Variants in CCDC30 observed in about 807,000 individuals in gnomAD.
CCDC30 encodes the protein coiled-coil domain containing 30, also known as coiled-coil domain-containing protein 30.
In CCDC30, 70 loss-of-function variants were observed where a neutral mutation model predicts 100.2. That is an observed-to-expected ratio of 0.70 (90% CI 0.58 to 0.85). CCDC30 has a LOEUF of 0.85. CCDC30 is among the 40% of genes least tolerant of loss of function. CCDC30 has a pLI of 0.00. For missense variants in CCDC30, 652 were observed against 771.2 expected (o/e 0.85, Z 1.83); for synonymous variants, 233 against 269.5 (o/e 0.86, Z 1.33).
chr1:42,491,996 G>T, intron 4 of CCDC30: 2 of 712,334 alleles, frequency 2.8e-6, no homozygotes, highest in South Asian at 3.6e-5. Flanking sequence ...AATTCAAGCT[G>T]ATTGCTGAAG....
chr1:42,511,447 G>A (rs1320661874), intron 6 of CCDC30, among the ~76,000 whole-genome samples: 3 of 152,140 alleles, frequency 2.0e-5, no homozygotes, highest in Non-Finnish European at 4.4e-5. Context: ...TTTCCCCTTA[G>A]AGAATGGTTC....
chr1:42,650,216 C>T (rs1648212592), intron 15 of CCDC30, among the ~76,000 whole-genome samples: 1 of 152,092 alleles, frequency 6.6e-6, no homozygotes, highest in Non-Finnish European at 1.5e-5. Context: ...GGCACGGTGG[C>T]TCAGGCTTGT....
intron 6 of CCDC30, among the ~76,000 whole-genome samples, chr1:42,527,889 G>A (rs1206829896): frequency 6.8e-6 from 1 of 147,768 alleles, no homozygotes; most frequent in South Asian, 2.1e-4. Flanking sequence ...TTTTGAAACC[G>A]AGTTTTGCTC....
chr1:42,594,192 G>A (rs1293332862), intron 10 of CCDC30: 3 of 152,212 alleles, frequency 2.0e-5, no homozygotes, highest in East Asian at 1.9e-4. Context: ...CAATCCACAT[G>A]CGTGGATATA....
chr1:42,600,824 T>A (rs1269135704), intron 10 of CCDC30, among the ~76,000 whole-genome samples: 1 of 151,638 alleles, frequency 6.6e-6, no homozygotes, highest in East Asian at 1.9e-4. Context: ...TCTCTCTCTC[T>A]CTCTCACTCT....
chr1:42,514,772 C>T (rs1569874640), intron 6 of CCDC30, among the ~76,000 whole-genome samples: 1 of 152,034 alleles, frequency 6.6e-6, no homozygotes, highest in African/African-American at 2.4e-5. Flanking sequence ...TCCTGCCTCA[C>T]CCTCCCAAGT....
upstream of CCDC30, among the ~76,000 whole-genome samples, chr1:42,458,762 A>C (rs182099140): frequency 6.6e-6 from 1 of 152,216 alleles, no homozygotes; most frequent in Non-Finnish European, 1.5e-5. Context: ...TAACAAAGCA[A>C]CTGAACATTA....
chr1:42,497,940 T>C (rs556625878), intron 5 of CCDC30, among the ~76,000 whole-genome samples: 4 of 152,250 alleles, frequency 2.6e-5, no homozygotes, highest in East Asian at 1.9e-4. Context: ...CCCCAGAGAA[T>C]TGAAAACAGA....
intron 4 of CCDC30, among the ~76,000 whole-genome samples, chr1:42,493,493 G>T (rs917350442): frequency 2.0e-5 from 3 of 152,242 alleles, no homozygotes; most frequent in African/African-American, 7.2e-5. Context: ...GGAGGCTGAG[G>T]CAGTAGAATC....
chr1:42,613,506 G>A (rs146845261), intron 11 of CCDC30, among the ~76,000 whole-genome samples: 3,879 of 152,124 alleles, frequency 0.025, 168 homozygotes, highest in African/African-American at 0.088. Context: ...CACCCGCCTC[G>A]GCCTCCCAAA....
chr1:42,482,547 A>G, intron 2 of CCDC30, 116 bp from the exon 3 acceptor site: 1 of 539,394 alleles, frequency 1.9e-6, no homozygotes, highest in Non-Finnish European at 2.8e-6. Context: ...ACACAAAGAA[A>G]TACACATAGA....
chr1:42,531,560 A>G lies in CCDC30; in HGVS notation c.456+32644A>G, dbSNP rs376819750. The stretch of plus-strand genomic sequence containing the variant: ...TAGATCACTTGAGTCCAGGAGTTTG[A>G]GACCAGCCTGGGCAACATGGCAAAA... On this transcript the variant is annotated intron_variant, in intron 6 of 16. Transcript: ENST00000668663. 1.6e-4 allele frequency among the ~76,000 whole-genome samples: 25 copies of G among 152,266 alleles called. No individual in the cohort carries two copies. The East Asian group carries it at 4.6e-3, about 28-fold the overall frequency.
In CCDC30 at chr1:42,577,233, A is replaced by G; in HGVS notation, c.846+4A>G. 9 of 1,578,926 alleles carry G rather than the reference A, an allele frequency of 5.7e-6. No homozygotes were observed. Among genetic ancestry groups the G allele is most frequent in the Admixed American group, 1.7e-5 (1 of 59,930 alleles). On this transcript the variant is annotated splice_donor_region_variant and intron_variant, in intron 8 of 16. Transcript: ENST00000668663. ...AGTTGCTGATGCAGAGGAAAAGGTA[A>G]TTATCCTCATGCTTAATAAACAGCA...
At chr1:42,550,755 T>C (rs549943178) in intron 6 of CCDC30, among the ~76,000 whole-genome samples, 77 of 152,346 alleles carry the variant, frequency 5.1e-4, no homozygotes, top group African/African-American at 1.7e-3. Context: ...CTCCTCTAGA[T>C]GTAGGCTATG....
intron 6 of CCDC30, among the ~76,000 whole-genome samples, chr1:42,553,097 T>C (rs1191842004): frequency 1.3e-5 from 2 of 152,156 alleles, no homozygotes; most frequent in African/African-American, 4.8e-5. Flanking sequence ...TTCTGTGACG[T>C]TCAGCTGGAG....
rs565581012 is a variant in CCDC30, at chr1:42,463,522, C to T, written c.-468C>T. The T allele has an allele frequency of 5.9e-5, 9 of 152,432 alleles. No individual in the cohort carries two copies. In the South Asian group the frequency reaches 8.3e-4, roughly 14 times the overall value. The allele number at this position is 152,432 out of a possible 1,614,324, so 9.4% of individuals were successfully genotyped here. A position where few individuals can be genotyped will look rare whatever the true frequency, so the allele number is the denominator to read the frequency against. The stretch of plus-strand genomic sequence containing the variant: ...TACAGGAGGGGAACCCCTCCTGGCC[C>T]GGCCTTTCTATTCCCTGGCTGGAGT... On this transcript the variant is annotated 5_prime_UTR_variant, in exon 1 of 17. Transcript: ENST00000668663.
intron 6 of CCDC30, among the ~76,000 whole-genome samples, chr1:42,560,325 A>G (rs995567691): frequency 2.1e-4 from 31 of 150,910 alleles, no homozygotes; most frequent in Admixed American, 1.3e-3. Context: ...GACATGAAAA[A>G]CTCTCTAAAA....
At chr1:42,598,399 T>C (rs190402074) in intron 10 of CCDC30, among the ~76,000 whole-genome samples, 3 of 151,624 alleles carry the variant, frequency 2.0e-5, no homozygotes, top group Admixed American at 1.3e-4. Flanking sequence ...GCATCTCTAA[T>C]TTCAGCTACT....
intron 6 of CCDC30, among the ~76,000 whole-genome samples, chr1:42,504,058 TTAAC>T (rs1644360789): frequency 6.6e-6 from 1 of 152,226 alleles, no homozygotes; most frequent in Non-Finnish European, 1.5e-5. Flanking sequence ...AGATATTAAA[TTAAC>T]TAAAAGTATC....
Sources: gnomAD v4.1 joint callset for allele counts (sites outside exome capture counted in the v4.1 genomes callset) on GRCh38, gnomAD v4.1.1 for gene constraint, MANE v1.5 for transcripts, NCBI Gene and HGNC (gene_info 2026-07-23, HGNC 2026-07-21) for gene names.